AFG1L: variants seen among roughly 807,000 people sequenced by gnomAD.
AFG1L encodes the protein AFG1-like ATPase.
A neutral mutation model predicts 62.2 loss-of-function variants in AFG1L; 53 were observed. That is an observed-to-expected ratio of 0.85 (90% CI 0.68 to 1.07). AFG1L has a LOEUF of 1.07. AFG1L is among the 50% of genes least tolerant of loss of function. The pLI is 0.00. For missense variants in AFG1L, 555 were observed against 590.5 expected (o/e 0.94, Z 0.62); for synonymous variants, 228 against 210.3 (o/e 1.08, Z -0.73).
chr6:108,461,432 G>A (rs1170228482), intron 8 of AFG1L, among the ~76,000 whole-genome samples: 1 of 152,084 alleles, frequency 6.6e-6, no homozygotes, highest in Non-Finnish European at 1.5e-5. Context: ...TATTTTATAG[G>A]ACATGATCCA....
chr6:108,483,244 G>T (rs1209968777), intron 10 of AFG1L, among the ~76,000 whole-genome samples: 1 of 152,122 alleles, frequency 6.6e-6, no homozygotes, highest in East Asian at 1.9e-4. Flanking sequence ...ATAAAAATGT[G>T]ATTTGTGTTA....
At chr6:108,296,269 G>A (rs1776763757) in intron 1 of AFG1L, among the ~76,000 whole-genome samples, 3 of 152,168 alleles carry the variant, frequency 2.0e-5, no homozygotes, top group African/African-American at 7.2e-5. Flanking sequence ...ATCTGCTGGA[G>A]TAGTCGTTAA....
At chr6:108,379,660 A>G (rs142764288) in intron 6 of AFG1L, among the ~76,000 whole-genome samples, 1 of 152,320 alleles carries the variant, frequency 6.6e-6, no homozygotes, top group East Asian at 1.9e-4. Context: ...GAGGTACCCA[A>G]AGGTTTTCCT....
At chr6:108,374,233 T>C (rs1337802062) in intron 6 of AFG1L, among the ~76,000 whole-genome samples, 1 of 152,214 alleles carries the variant, frequency 6.6e-6, no homozygotes, top group African/African-American at 2.4e-5. Context: ...ATTCTGGATA[T>C]TAGACCTTTG....
intron 3 of AFG1L, among the ~76,000 whole-genome samples, chr6:108,348,781 C>G (rs189055522): frequency 2.4e-4 from 36 of 152,326 alleles, no homozygotes; most frequent in Non-Finnish European, 4.6e-4. Context: ...CATCTACTTC[C>G]AGTACCTTCA....
chr6:108,485,936 G>A (rs1266976160), intron 10 of AFG1L, among the ~76,000 whole-genome samples: 1 of 151,220 alleles, frequency 6.6e-6, no homozygotes, highest in Non-Finnish European at 1.5e-5. Context: ...ACCTTCCAAA[G>A]TGCTGGGATT....
rs543062325 is a variant in AFG1L, at chr6:108,363,150, T to C, written c.649-3083T>C. On this transcript the variant is annotated intron_variant, in intron 5 of 12. Transcript: ENST00000368977. ...TTAAGGAATTTTAAAGATTATGTTTTGGTAAGCATTCAGATTACACTTGCA... is the reference window on the plus strand; with the variant it reads ...TTAAGGAATTTTAAAGATTATGTTTCGGTAAGCATTCAGATTACACTTGCA... Among the ~76,000 whole-genome samples the C allele has an allele frequency of 2.0e-5, 3 of 152,332 alleles. No individual in the cohort carries two copies. In the East Asian group the frequency reaches 5.8e-4, roughly 29 times the overall value.
chr6:108,463,950 G>A (rs951204348), intron 8 of AFG1L, among the ~76,000 whole-genome samples: 9 of 152,158 alleles, frequency 5.9e-5, no homozygotes, highest in South Asian at 4.1e-4. Flanking sequence ...GCATGAATGC[G>A]CAGGCAATCA....
intron 6 of AFG1L, among the ~76,000 whole-genome samples, chr6:108,368,116 T>C (rs1309884550): frequency 2.0e-5 from 3 of 152,190 alleles, no homozygotes; most frequent in Non-Finnish European, 2.9e-5. Flanking sequence ...ATTAGTCTTA[T>C]GTTGTTCCAT....
intron 8 of AFG1L, among the ~76,000 whole-genome samples, chr6:108,474,946 A>G (rs574836023): frequency 1.3e-5 from 2 of 152,220 alleles, no homozygotes; most frequent in East Asian, 3.9e-4. Flanking sequence ...TGGTGATTTC[A>G]TCATAAAATC....
chr6:108,440,564 G>T (rs748425510), intron 7 of AFG1L, among the ~76,000 whole-genome samples: 3 of 151,948 alleles, frequency 2.0e-5, no homozygotes, highest in Admixed American at 2.0e-4. Flanking sequence ...TCGACTGGGC[G>T]TGGTGGCTCA....
At chr6:108,331,252 C>CTCCA (rs1261043594) in intron 2 of AFG1L, among the ~76,000 whole-genome samples, 1 of 152,220 alleles carries the variant, frequency 6.6e-6, no homozygotes, top group African/African-American at 2.4e-5. Context: ...TGCCACTGCA[C>CTCCA]TCCAGCCTGG....
At chr6:108,340,507 G>A (rs1778642153) in intron 2 of AFG1L, among the ~76,000 whole-genome samples, 1 of 152,004 alleles carries the variant, frequency 6.6e-6, no homozygotes, top group Admixed American at 6.6e-5. Context: ...TGGGATTACA[G>A]GCGTGTGCCA....
intron 7 of AFG1L, among the ~76,000 whole-genome samples, chr6:108,410,004 A>G (rs1782028553): frequency 1.3e-5 from 2 of 152,168 alleles, no homozygotes; most frequent in Non-Finnish European, 2.9e-5. Flanking sequence ...TGATCCCCCC[A>G]TCAAGAATCA....
intron 6 of AFG1L, among the ~76,000 whole-genome samples, chr6:108,389,157 T>A (rs1367831198): frequency 2.0e-5 from 3 of 152,180 alleles, no homozygotes; most frequent in Non-Finnish European, 4.4e-5. Context: ...CTTTTGATCT[T>A]TGTTGGTTTA....
At chr6:108,371,395 A>AAT (rs1229805725) in intron 6 of AFG1L, among the ~76,000 whole-genome samples, 1 of 152,030 alleles carries the variant, frequency 6.6e-6, no homozygotes, top group East Asian at 1.9e-4. Flanking sequence ...TGGGCAACAT[A>AAT]ATGAGACCCT....
intron 2 of AFG1L, among the ~76,000 whole-genome samples, chr6:108,328,083 T>TAA (rs1325756538): frequency 6.6e-6 from 1 of 151,634 alleles, no homozygotes; most frequent in African/African-American, 2.4e-5. Flanking sequence ...TTTCTCAGTT[T>TAA]ATAGTTGAGT....
chr6:108,352,885 T>C (rs1218876142), intron 3 of AFG1L, among the ~76,000 whole-genome samples: 1 of 152,110 alleles, frequency 6.6e-6, no homozygotes, highest in Non-Finnish European at 1.5e-5. Flanking sequence ...TTTTTTATTT[T>C]AAAAAATATT....
chr6:108,303,811 A>G (rs1015003595), intron 1 of AFG1L, among the ~76,000 whole-genome samples: 14 of 152,224 alleles, frequency 9.2e-5, no homozygotes, highest in African/African-American at 1.7e-4. Flanking sequence ...TTAAACTAAC[A>G]TAACAAATGA....
Sources: allele counts gnomAD v4.1 joint callset (sites outside exome capture counted in the v4.1 genomes callset), GRCh38; gene constraint gnomAD v4.1.1; transcripts MANE v1.5; gene names NCBI Gene and HGNC (gene_info 2026-07-23, HGNC 2026-07-21).